TTC7B: variants seen among roughly 807,000 people sequenced by gnomAD.
The protein encoded by TTC7B is tetratricopeptide repeat domain 7B.
TTC7B carries 28 observed loss-of-function variants against 106.8 expected under a neutral mutation model. The observed-to-expected ratio is 0.26, with a 90% CI of 0.19 to 0.36. The LOEUF is 0.36. TTC7B is among the 10% of genes least tolerant of loss of function. TTC7B has a pLI of 1.00. For synonymous variants in TTC7B, 405 were observed against 430.6 expected, an observed-to-expected ratio of 0.94 and a Z score of 0.74; for missense variants, 862 against 1,076.4, an observed-to-expected ratio of 0.80 and a Z score of 2.79.
intron 17 of TTC7B, chr14:90,605,717 C>T (rs1482713751): frequency 5.5e-6 from 7 of 1,283,932 alleles, no homozygotes; most frequent in Middle Eastern, 2.1e-4. Context: ...AGAGGAGATT[C>T]GGTTCTTGAA....
chr14:90,613,276 C>T (rs1892945290), intron 16 of TTC7B, among the ~76,000 whole-genome samples: 1 of 152,004 alleles, frequency 6.6e-6, no homozygotes. Flanking sequence ...GCACCTGTGA[C>T]CCCAGCTATC....
chr14:90,705,561 A>T (rs1040874486), intron 5 of TTC7B, among the ~76,000 whole-genome samples: 1 of 152,090 alleles, frequency 6.6e-6, no homozygotes, highest in South Asian at 2.1e-4. Context: ...TTAATATTTT[A>T]TTCGATAAAA....
intron 17 of TTC7B, among the ~76,000 whole-genome samples, chr14:90,607,455 C>CA (rs1892690603): frequency 6.6e-6 from 1 of 152,224 alleles, no homozygotes; most frequent in Non-Finnish European, 1.5e-5. Flanking sequence ...TGCCACCCGC[C>CA]AGGGCTGGGT....
At chr14:90,788,837 C>A (rs574776056) in intron 1 of TTC7B, among the ~76,000 whole-genome samples, 1 of 152,036 alleles carries the variant, frequency 6.6e-6, no homozygotes, top group South Asian at 2.1e-4. Flanking sequence ...GTGGTGTGCA[C>A]CTGTAATCCC....
chr14:90,632,626 A>G (rs1458853678), intron 15 of TTC7B, among the ~76,000 whole-genome samples: 2 of 152,222 alleles, frequency 1.3e-5, no homozygotes, highest in Non-Finnish European at 2.9e-5. Context: ...AACATCTAGC[A>G]TGGCCCCTGG....
chr14:90,721,351 T>C (rs1168967420), intron 5 of TTC7B, among the ~76,000 whole-genome samples: 5 of 152,180 alleles, frequency 3.3e-5, no homozygotes, highest in Admixed American at 1.3e-4. Flanking sequence ...AATTCATCAC[T>C]GAAAAGAGGG....
intron 4 of TTC7B, among the ~76,000 whole-genome samples, chr14:90,732,722 G>T (rs567729064): frequency 2.6e-5 from 4 of 151,980 alleles, no homozygotes. Context: ...GAGCCACTGC[G>T]CCCGGCTCCT....
At chr14:90,590,358 C>T (rs1385253828) in intron 18 of TTC7B, among the ~76,000 whole-genome samples, 6 of 152,148 alleles carry the variant, frequency 3.9e-5, no homozygotes, top group African/African-American at 1.2e-4. Flanking sequence ...AGGTCATCTC[C>T]GAGTGACCTT....
chr14:90,655,138 C>T, intron 11 of TTC7B, 28 bp from the exon 12 acceptor site: 1 of 1,537,612 alleles, frequency 6.5e-7, no homozygotes, highest in Non-Finnish European at 9.0e-7. Context: ...TTAAAAACAA[C>T]AACAACCTGC....
At chr14:90,588,998 G>C (rs79195471) in intron 18 of TTC7B, among the ~76,000 whole-genome samples, 226 of 151,410 alleles carry the variant, frequency 1.5e-3, no homozygotes, top group Non-Finnish European at 2.6e-3. Flanking sequence ...GAAAAGCTCA[G>C]TATCTAAGAA....
At chr14:90,725,586 C>T (rs1006455505) in intron 5 of TTC7B, among the ~76,000 whole-genome samples, 2 of 152,124 alleles carry the variant, frequency 1.3e-5, no homozygotes, top group Admixed American at 6.5e-5. Flanking sequence ...CCTTCCATAC[C>T]ACTTTATTCC....
Position 90,746,265 on chromosome 14 carries a change from G to A in TTC7B, c.446-1343C>T, listed in dbSNP as rs570690214. ...TTACAAATTCTATTTCTTCGATATA[G>A]GGTCATTCAGATTGTCTCTTTCTTC... is the stretch of plus-strand genomic sequence containing the variant. On this transcript the variant is annotated intron_variant, in intron 3 of 19. Coordinates refer to ENST00000328459, the MANE Select transcript of TTC7B (RefSeq NM_001010854.2). 3.9e-5 allele frequency among the ~76,000 whole-genome samples: 6 copies of A among 152,122 alleles called. No individual in the cohort carries two copies. The South Asian group carries it at 1.0e-3, about 26-fold the overall frequency.
At chr14:90,682,799 C>T (rs921329934) in intron 7 of TTC7B, among the ~76,000 whole-genome samples, 6 of 152,180 alleles carry the variant, frequency 3.9e-5, no homozygotes, top group East Asian at 1.9e-4. Flanking sequence ...GCAAAGGAGG[C>T]GGCAGTGGGG....
At chr14:90,554,566 TGGCACA>T (rs1212159198) in intron 19 of TTC7B, among the ~76,000 whole-genome samples, 1 of 152,150 alleles carries the variant, frequency 6.6e-6, no homozygotes, top group African/African-American at 2.4e-5. Flanking sequence ...GGGAACTCAG[TGGCACA>T]GGCTGTCACT....
chr14:90,552,564 C>T (rs966235155), intron 19 of TTC7B, among the ~76,000 whole-genome samples: 3 of 152,172 alleles, frequency 2.0e-5, no homozygotes, highest in Non-Finnish European at 4.4e-5. Context: ...ATAGAACATT[C>T]GTGTGGCCAC....
At chr14:90,642,106 C>T (rs142364329) in intron 15 of TTC7B, among the ~76,000 whole-genome samples, 188 of 152,244 alleles carry the variant, frequency 1.2e-3, no homozygotes, top group African/African-American at 4.1e-3. Context: ...ATGGGATAAA[C>T]AGCTTGGGGT....
chr14:90,647,268 G>A (rs1885500154), intron 13 of TTC7B: 1 of 453,268 alleles, frequency 2.2e-6, no homozygotes, highest in African/African-American at 2.0e-5. Flanking sequence ...TAAAATGGCA[G>A]CTGAAGCTTG....
chr14:90,711,178 T>G (rs1000352130), intron 5 of TTC7B, among the ~76,000 whole-genome samples: 2 of 152,174 alleles, frequency 1.3e-5, no homozygotes, highest in African/African-American at 4.8e-5. Flanking sequence ...GCACCAGAGA[T>G]GTAAATATGT....
chr14:90,694,990 AAC>A (rs1887653954), intron 6 of TTC7B, among the ~76,000 whole-genome samples: 1 of 51,902 alleles, frequency 1.9e-5, no homozygotes, highest in Non-Finnish European at 4.1e-5. Flanking sequence ...ATATATTTAT[AAC>A]ACATATGCCA....
Sources: allele counts gnomAD v4.1 joint callset (sites outside exome capture counted in the v4.1 genomes callset), GRCh38; gene constraint gnomAD v4.1.1; transcripts MANE v1.5; gene names NCBI Gene and HGNC (gene_info 2026-07-23, HGNC 2026-07-21).